The following SNTB1 variants were observed in gnomAD, a reference collection of about 807,000 sequenced individuals.
SNTB1 encodes beta-1-syntrophin.
SNTB1 carries 36 observed loss-of-function variants against 48.9 expected under a neutral mutation model. The ratio of observed to expected loss-of-function variants is 0.74; its 90% CI spans 0.56 to 0.97. The LOEUF is 0.97. Ranked by LOEUF, SNTB1 falls within the 50% of genes least tolerant of loss-of-function variation. The probability of loss-of-function intolerance (pLI) is 0.00; values close to 1 mark genes in which losing one functional copy is unlikely to be tolerated. For missense variants in SNTB1, 786 were observed against 703.4 expected, an observed-to-expected ratio of 1.12 and a Z score of -1.33; for synonymous variants, 299 against 294.6, an observed-to-expected ratio of 1.01 and a Z score of -0.15.
At chr8:120,562,297 G>A (rs945202650) in intron 4 of SNTB1, among the ~76,000 whole-genome samples, 1 of 152,172 alleles carries the variant, frequency 6.6e-6, no homozygotes, top group African/African-American at 2.4e-5. Context: ...AGGAGACTCT[G>A]ATTCTGAGAG....
chr8:120,781,968 A>C (rs1332893779), intron 1 of SNTB1, among the ~76,000 whole-genome samples: 1 of 152,208 alleles, frequency 6.6e-6, no homozygotes. Context: ...TCACAAGCCA[A>C]GTGGCTTAAA....
chr8:120,549,051 T>G (rs1224746693), intron 4 of SNTB1, 93 bp from the exon 5 acceptor site: 1 of 997,254 alleles, frequency 1.0e-6, no homozygotes, highest in Non-Finnish European at 1.5e-6. Flanking sequence ...GGTGATCTGC[T>G]CTCATTTTTC....
At chr8:120,727,380 GCC>G (rs1818775470) in intron 1 of SNTB1, among the ~76,000 whole-genome samples, 1 of 152,186 alleles carries the variant, frequency 6.6e-6, no homozygotes. Flanking sequence ...GTTGGGGTCA[GCC>G]AGATGAGAGT....
intron 3 of SNTB1, among the ~76,000 whole-genome samples, chr8:120,614,781 G>C (rs1816685266): frequency 6.6e-6 from 1 of 151,884 alleles, no homozygotes; most frequent in Non-Finnish European, 1.5e-5. Context: ...GGAGAGATAA[G>C]ACAGTATGTT....
intron 4 of SNTB1, among the ~76,000 whole-genome samples, chr8:120,573,890 T>C (rs1034503295): frequency 1.3e-5 from 2 of 152,236 alleles, no homozygotes; most frequent in African/African-American, 4.8e-5. Context: ...CTGGTCTCCG[T>C]GTTTTTATGC....
intron 3 of SNTB1, among the ~76,000 whole-genome samples, chr8:120,612,191 T>A (rs991090318): frequency 5.3e-5 from 8 of 152,220 alleles, no homozygotes; most frequent in African/African-American, 1.9e-4. Context: ...ACAATAACAG[T>A]AGCCATTACT....
intron 1 of SNTB1, among the ~76,000 whole-genome samples, chr8:120,757,089 G>A (rs1266970818): frequency 2.0e-5 from 3 of 152,168 alleles, no homozygotes; most frequent in Middle Eastern, 3.2e-3. Context: ...TATACGCCAG[G>A]CCTTGGGCTA....
At chr8:120,671,943 G>T (rs970127824) in intron 2 of SNTB1, among the ~76,000 whole-genome samples, 4 of 152,164 alleles carry the variant, frequency 2.6e-5, no homozygotes, top group Admixed American at 6.5e-5. Flanking sequence ...AACTTATAGT[G>T]GTTCGACTTA....
intron 2 of SNTB1, among the ~76,000 whole-genome samples, chr8:120,693,034 T>C (rs1429335314): frequency 1.3e-5 from 2 of 152,110 alleles, no homozygotes; most frequent in African/African-American, 4.8e-5. Context: ...ATTCCACTCA[T>C]GGTGGAAGGG....
At chr8:120,763,952 A>C (rs1044318703) in intron 1 of SNTB1, among the ~76,000 whole-genome samples, 1 of 152,190 alleles carries the variant, frequency 6.6e-6, no homozygotes, top group Non-Finnish European at 1.5e-5. Context: ...CAATGTAATG[A>C]GCAAAAATAT....
chr8:120,767,186 CT>C (rs1396740752), intron 1 of SNTB1, among the ~76,000 whole-genome samples: 1 of 151,960 alleles, frequency 6.6e-6, no homozygotes, highest in African/African-American at 2.4e-5. Flanking sequence ...TCGTAAGAAC[CT>C]TTTTTTGTCC....
intron 3 of SNTB1, among the ~76,000 whole-genome samples, chr8:120,614,526 C>A (rs548714402): frequency 6.6e-6 from 1 of 152,320 alleles, no homozygotes; most frequent in South Asian, 2.1e-4. Flanking sequence ...TCTGGCCTGC[C>A]AGCTCTTGAA....
chr8:120,634,398 A>AC (rs1489071191), intron 2 of SNTB1, among the ~76,000 whole-genome samples: 1 of 152,082 alleles, frequency 6.6e-6, no homozygotes, highest in African/African-American at 2.4e-5. Flanking sequence ...GATATTATTA[A>AC]CCCCCCTTAA....
chr8:120,632,729 A>G, intron 2 of SNTB1, 78 bp from the exon 3 acceptor site: 2 of 1,221,060 alleles, frequency 1.6e-6, no homozygotes, highest in Non-Finnish European at 2.4e-6. Context: ...ACAAAGGTGA[A>G]TTAATTCTTT....
chr8:120,747,982 A>G (rs889500867), intron 1 of SNTB1, among the ~76,000 whole-genome samples: 1 of 152,186 alleles, frequency 6.6e-6, no homozygotes, highest in African/African-American at 2.4e-5. Context: ...CTCTTTCGCC[A>G]TAGAAAAGAT....
chr8:120,749,464 GA>G (rs1292858742), intron 1 of SNTB1, among the ~76,000 whole-genome samples: 2 of 152,030 alleles, frequency 1.3e-5, no homozygotes, highest in Admixed American at 6.6e-5. Flanking sequence ...TCCATGTCTA[GA>G]AGTTGGATCA....
At chr8:120,722,756 A>T (rs1167075296) in intron 1 of SNTB1, among the ~76,000 whole-genome samples, 1 of 152,140 alleles carries the variant, frequency 6.6e-6, no homozygotes, top group Non-Finnish European at 1.5e-5. Context: ...ATTAGATCCC[A>T]TTTGTCAATT....
chr8:120,641,480 C>G (rs1027503858), intron 2 of SNTB1, among the ~76,000 whole-genome samples: 2 of 151,982 alleles, frequency 1.3e-5, no homozygotes, highest in Non-Finnish European at 2.9e-5. Flanking sequence ...GTGATGCCAG[C>G]AAAAATGAAA....
At chr8:120,706,277 C>T (rs532093618) in intron 1 of SNTB1, among the ~76,000 whole-genome samples, 11 of 152,188 alleles carry the variant, frequency 7.2e-5, no homozygotes, top group African/African-American at 1.9e-4. Context: ...TCATTTCTTG[C>T]GCATAAATTA....
Sources: gnomAD v4.1 joint callset for allele counts (sites outside exome capture counted in the v4.1 genomes callset) on GRCh38, gnomAD v4.1.1 for gene constraint, MANE v1.5 for transcripts, NCBI Gene and HGNC (gene_info 2026-07-23, HGNC 2026-07-21) for gene names.